The following IGF2BP2 variants were observed in gnomAD, a reference collection of about 807,000 sequenced individuals.
IGF2BP2 encodes the protein insulin-like growth factor 2 mRNA-binding protein 2.
In IGF2BP2, 17 loss-of-function variants were observed where a neutral mutation model predicts 75.8. That is an observed-to-expected ratio of 0.22 (90% confidence interval 0.15 to 0.34). IGF2BP2 has a LOEUF of 0.34. IGF2BP2 is among the 10% of genes least tolerant of loss of function. IGF2BP2 has a pLI of 1.00. For missense variants in IGF2BP2, 516 were observed against 772.4 expected (o/e 0.67, Z 3.93); for synonymous variants, 288 against 295.6 (o/e 0.97, Z 0.26).
Position 185,647,160 on chromosome 3 carries a change from C to A in IGF2BP2, c.1594-22G>T, listed in dbSNP as rs375226923. 16 of 1,569,522 alleles carry A rather than the reference C, an allele frequency of 1.0e-5. No homozygotes were observed. Among genetic ancestry groups the A allele is most frequent in the Non-Finnish European group, 1.4e-5 (16 of 1,139,400 alleles). ...TCACCTGTGAAGGGAGAAACGGCAACGGGTTGGATAGGTTCCCTCCCCGTC... is the reference window on the plus strand; with the variant it reads ...TCACCTGTGAAGGGAGAAACGGCAAAGGGTTGGATAGGTTCCCTCCCCGTC... On this transcript the variant is annotated intron_variant, in intron 14 of 15. Transcript: ENST00000382199. This position sits in a 1 kb window ranked among gnomAD's most constrained non-coding sequence, Gnocchi z 4.9.
At chr3:185,719,791 G>A (rs973233370) in intron 2 of IGF2BP2, among the ~76,000 whole-genome samples, 1 of 151,980 alleles carries the variant, frequency 6.6e-6, no homozygotes, top group Non-Finnish European at 1.5e-5. Flanking sequence ...CCGAGATCAC[G>A]CCACTGCACT....
chr3:185,806,794 ATT>A (rs1739089138), intron 2 of IGF2BP2, among the ~76,000 whole-genome samples: 1 of 152,198 alleles, frequency 6.6e-6, no homozygotes, highest in African/African-American at 2.4e-5. Flanking sequence ...CATTATAAAT[ATT>A]TGCAATATTT....
In IGF2BP2 at chr3:185,809,565, G is replaced by A. The variant is rs549439062; in HGVS notation, c.239+13588C>T. 3.9e-5 allele frequency among the ~76,000 whole-genome samples: 6 copies of A among 152,292 alleles called. No individual in the cohort carries two copies. In the South Asian group the frequency reaches 1.0e-3, roughly 26 times the overall value. On this transcript the variant is annotated intron_variant, in intron 2 of 15. Transcript: ENST00000382199. The stretch of plus-strand genomic sequence containing the variant: ...GGATCACCTGAGCACTGGAAGATGA[G>A]GCTGCAGTGAGCCATGATAGCATCA...
intron 7 of IGF2BP2, among the ~76,000 whole-genome samples, chr3:185,679,842 C>T (rs1720114244): frequency 6.6e-6 from 1 of 152,166 alleles, no homozygotes; most frequent in Non-Finnish European, 1.5e-5. Flanking sequence ...TCTTCAACTC[C>T]TGACCTTGTG....
intron 2 of IGF2BP2, among the ~76,000 whole-genome samples, chr3:185,743,619 A>C (rs1729863588): frequency 1.3e-5 from 2 of 152,182 alleles, no homozygotes. Flanking sequence ...TTTTTGAACA[A>C]GGGACCCCAC....
rs1366344442 is a variant in IGF2BP2 at position 185,693,051 on chromosome 3, A to G, written c.341-289T>C. On this transcript the variant is annotated intron_variant, in intron 4 of 15. Transcript: ENST00000382199. ...TCAGTACATTTTCTTTGTATTTTTC[A>G]TTTTTAATGTCTATATAAAATTGCA... 19 of 269,050 alleles carry G rather than the reference A, an allele frequency of 7.1e-5. No homozygotes were observed. In the East Asian group the frequency reaches 1.3e-3, roughly 19 times the overall value. The allele number at this position is 269,050 out of a possible 1,614,324, so 16.7% of individuals were successfully genotyped here. A position where few individuals can be genotyped will look rare whatever the true frequency, so the allele number is the denominator to read the frequency against.
chr3:185,681,137 G>C (rs1267058678), intron 7 of IGF2BP2, among the ~76,000 whole-genome samples: 1 of 152,118 alleles, frequency 6.6e-6, no homozygotes, highest in East Asian at 1.9e-4. Context: ...GAATTGGAAA[G>C]AAAGACATAA....
At position 185,696,224 on chromosome 3, in the gene IGF2BP2, T is replaced by C. The variant is rs749220053; in HGVS notation, c.340+388A>G. Among the ~76,000 whole-genome samples, 3 of 152,166 alleles carry C rather than the reference T, an allele frequency of 2.0e-5. No individual in the cohort carries two copies. The South Asian group carries it at 6.2e-4, about 32-fold the overall frequency. On this transcript the variant is annotated intron_variant, in intron 4 of 15. Coordinates refer to ENST00000382199, the MANE Select transcript of IGF2BP2 (RefSeq NM_006548.6). ...TGGTATAGGAGTCCTATTCATTGGG[T>C]AACACTCAGTCCAAGACATTAGGGA... is the stretch of plus-strand genomic sequence containing the variant.
intron 10 of IGF2BP2, among the ~76,000 whole-genome samples, chr3:185,664,752 A>G (rs1350781501): frequency 6.6e-6 from 1 of 152,164 alleles, no homozygotes; most frequent in Non-Finnish European, 1.5e-5. Flanking sequence ...AACCAAGACA[A>G]AGAGTGGGAA....
intron 2 of IGF2BP2, among the ~76,000 whole-genome samples, chr3:185,736,821 A>AAG (rs950562248): frequency 2.6e-5 from 4 of 152,174 alleles, no homozygotes; most frequent in African/African-American, 9.7e-5. Context: ...AGATTGTAAC[A>AAG]AGAGTTTTCC....
At chr3:185,743,239 C>T (rs973724806) in intron 2 of IGF2BP2, among the ~76,000 whole-genome samples, 39 of 151,568 alleles carry the variant, frequency 2.6e-4, no homozygotes, top group African/African-American at 4.8e-4. Flanking sequence ...AGGAGAGAGA[C>T]GATGGAAGAA....
intron 2 of IGF2BP2, among the ~76,000 whole-genome samples, chr3:185,769,991 G>A (rs1462044929): frequency 6.6e-6 from 1 of 152,072 alleles, no homozygotes; most frequent in East Asian, 1.9e-4. Flanking sequence ...GCCTATAGCA[G>A]CAGCCACTGT....
intron 2 of IGF2BP2, among the ~76,000 whole-genome samples, chr3:185,742,609 A>T (rs1023005654): frequency 1.3e-5 from 2 of 152,138 alleles, no homozygotes; most frequent in Admixed American, 6.5e-5. Flanking sequence ...GTGAGCTATG[A>T]TCACCCCACT....
intron 10 of IGF2BP2, 130 bp from the exon 11 acceptor site, chr3:185,658,539 C>G (rs540094622): frequency 1.5e-6 from 1 of 677,562 alleles, no homozygotes; most frequent in South Asian, 1.9e-5. Flanking sequence ...CGTGTCTACA[C>G]GCCTGTCCCT....
intron 2 of IGF2BP2, among the ~76,000 whole-genome samples, chr3:185,710,338 T>A (rs1724624531): frequency 6.6e-6 from 1 of 152,054 alleles, no homozygotes; most frequent in Admixed American, 6.6e-5. Flanking sequence ...GACACCTCCA[T>A]TGCCCCAGAA....
intron 6 of IGF2BP2, among the ~76,000 whole-genome samples, chr3:185,688,955 G>A (rs1721526163): frequency 6.6e-6 from 1 of 152,132 alleles, no homozygotes; most frequent in South Asian, 2.1e-4. Flanking sequence ...ACTTCTTTGT[G>A]AGACTACCTA....
chr3:185,691,129 G>A (rs1022497289), intron 5 of IGF2BP2, among the ~76,000 whole-genome samples: 7 of 151,566 alleles, frequency 4.6e-5, no homozygotes, highest in African/African-American at 1.7e-4. Flanking sequence ...ACAGAGTTTC[G>A]CCCTTATTGA....
At chr3:185,802,094 T>C (rs560191262) in intron 2 of IGF2BP2, among the ~76,000 whole-genome samples, 77 of 152,082 alleles carry the variant, frequency 5.1e-4, no homozygotes, top group African/African-American at 1.8e-3. Context: ...GACGGGTTGA[T>C]AGGTGCAGCA....
chr3:185,691,107 A>C (rs1001260752), intron 5 of IGF2BP2, among the ~76,000 whole-genome samples: 6 of 151,088 alleles, frequency 4.0e-5, no homozygotes, highest in African/African-American at 1.5e-4. Context: ...CTTTTTTTTT[A>C]TTTTTTTCGA....
Sources: allele counts gnomAD v4.1 joint callset (sites outside exome capture counted in the v4.1 genomes callset), GRCh38; gene constraint gnomAD v4.1.1; non-coding constraint Gnocchi (gnomAD v3.1); transcripts MANE v1.5; gene names NCBI Gene and HGNC (gene_info 2026-07-23, HGNC 2026-07-21).